IQGAP2: variants seen among roughly 807,000 people sequenced by gnomAD.
IQGAP2 encodes ras GTPase-activating-like protein IQGAP2.
A neutral mutation model predicts 201.3 loss-of-function variants in IQGAP2; 173 were observed. The observed-to-expected ratio is 0.86, with a 90% CI of 0.76 to 0.98. The LOEUF (loss-of-function observed/expected upper bound fraction) is 0.98. IQGAP2 is among the 50% of genes least tolerant of loss of function. The probability of loss-of-function intolerance (pLI) is 0.00; values close to 1 mark genes in which losing one functional copy is unlikely to be tolerated. For missense variants in IQGAP2, 1,687 were observed against 1,864.8 expected (o/e 0.90, Z 1.76); for synonymous variants, 675 against 673.9 (o/e 1.00, Z -0.03).
chr5:76,694,524 G>A (rs1021403776), intron 31 of IQGAP2, among the ~76,000 whole-genome samples: 5 of 152,142 alleles, frequency 3.3e-5, no homozygotes, highest in South Asian at 2.1e-4. Context: ...TTGCTGTGCC[G>A]CAGTTTCCTC....
chr5:76,605,476 G>A (rs1747740869), intron 11 of IQGAP2, among the ~76,000 whole-genome samples: 2 of 152,166 alleles, frequency 1.3e-5, no homozygotes, highest in Non-Finnish European at 2.9e-5. Flanking sequence ...TTACAGGTGT[G>A]AGCCACCACG....
chr5:76,649,052 A>G (rs1350742437), intron 17 of IQGAP2, among the ~76,000 whole-genome samples: 1 of 152,266 alleles, frequency 6.6e-6, no homozygotes, highest in African/African-American at 2.4e-5. Context: ...AACCTCAGAC[A>G]GGATAAAGTG....
chr5:76,674,028 C>T lies in IQGAP2; in HGVS notation c.3286C>T (p.Leu1096=). 2 of 1,598,138 alleles carry T rather than the reference C, an allele frequency of 1.3e-6. No homozygotes were observed. The highest frequency in any genetic ancestry group is 1.7e-6 in the Non-Finnish European group (2 of 1,165,652). ...ATTCCCCGATGCAACAGAAGATGAGCTATTAAAGGTAGATTTTCAAGGGTA... is the reference window on the plus strand; with the variant it reads ...ATTCCCCGATGCAACAGAAGATGAGTTATTAAAGGTAGATTTTCAAGGGTA... The part of the protein sequence containing the change: ...EKFPDATEDE[L]LKIVGNLLYY... The change falls in exon 26 of 36, where the codon CTA becomes TTA. Residue 1096 remains leucine (L), a synonymous_variant. Transcript: ENST00000274364.
chr5:76,624,252 A>G (rs1269714224), intron 13 of IQGAP2: 1 of 152,198 alleles, frequency 6.6e-6, no homozygotes, highest in Non-Finnish European at 1.5e-5. Context: ...TATTCTGTAG[A>G]GTATGACTTA....
intron 2 of IQGAP2, among the ~76,000 whole-genome samples, chr5:76,561,349 A>G (rs1723145635): frequency 6.6e-6 from 1 of 152,214 alleles, no homozygotes; most frequent in South Asian, 2.1e-4. Context: ...CAAGCAGTTC[A>G]GACATATTAC....
chr5:76,635,210 TA>T, intron 15 of IQGAP2, among the ~76,000 whole-genome samples: 1 of 152,352 alleles, frequency 6.6e-6, no homozygotes, highest in Non-Finnish European at 1.5e-5. Flanking sequence ...TTCTCTCTCC[TA>T]AACTTGCCTG....
intron 13 of IQGAP2, among the ~76,000 whole-genome samples, chr5:76,614,218 G>A (rs930405905): frequency 1.3e-5 from 2 of 152,130 alleles, no homozygotes; most frequent in East Asian, 1.9e-4. Flanking sequence ...CTCCACAGGC[G>A]TCCTTTGAAA....
chr5:76,586,445 C>T (rs185149956), intron 5 of IQGAP2, among the ~76,000 whole-genome samples: 101 of 152,052 alleles, frequency 6.6e-4, no homozygotes, highest in African/African-American at 2.0e-3. Flanking sequence ...CTTTAAAATT[C>T]GAACATTCAT....
At chr5:76,681,002 A>T (rs749393426) in intron 28 of IQGAP2, among the ~76,000 whole-genome samples, 14 of 148,566 alleles carry the variant, frequency 9.4e-5, no homozygotes, top group Non-Finnish European at 1.8e-4. Flanking sequence ...GCTACTCGGA[A>T]GGCTGAGGCA....
At chr5:76,418,623 A>G (rs950572648) in intron 1 of IQGAP2, among the ~76,000 whole-genome samples, 5 of 152,122 alleles carry the variant, frequency 3.3e-5, no homozygotes, top group African/African-American at 1.2e-4. Context: ...TCTAAATTGA[A>G]AAGACTTTAA....
intron 2 of IQGAP2, among the ~76,000 whole-genome samples, chr5:76,541,965 G>A (rs1225829943): frequency 6.6e-6 from 1 of 152,174 alleles, no homozygotes; most frequent in Non-Finnish European, 1.5e-5. Flanking sequence ...CGTGCAGAAT[G>A]TTTATTTTTT....
At chr5:76,646,465 T>C (rs1234517879) in intron 17 of IQGAP2, among the ~76,000 whole-genome samples, 2 of 152,250 alleles carry the variant, frequency 1.3e-5, no homozygotes, top group African/African-American at 4.8e-5. Flanking sequence ...CGAGGCCTAC[T>C]GAATCCTAAC....
In IQGAP2 at chr5:76,444,102, T is replaced by A. The variant is rs1018245487; in HGVS notation, c.47-17468T>A. Among the ~76,000 whole-genome samples, 4 of 152,182 alleles carry A rather than the reference T, an allele frequency of 2.6e-5. No individual in the cohort carries two copies. In the East Asian group the frequency reaches 7.7e-4, roughly 29 times the overall value. On this transcript the variant is annotated intron_variant, in intron 1 of 35. Coordinates refer to ENST00000274364, the MANE Select transcript of IQGAP2 (RefSeq NM_006633.5). ...AAGAATTATGGAGTTAGAAAATCAA[T>A]AGGCTGGGTGCGATGGCTTATACCT...
At chr5:76,644,792 AAC>A (rs1174920999) in intron 17 of IQGAP2, among the ~76,000 whole-genome samples, 1 of 152,194 alleles carries the variant, frequency 6.6e-6, no homozygotes, top group Non-Finnish European at 1.5e-5. Context: ...AAAAAAGAAA[AAC>A]AGAATTTTGG....
At chr5:76,702,087 G>A (rs546015610) in intron 34 of IQGAP2, among the ~76,000 whole-genome samples, 1 of 152,238 alleles carries the variant, frequency 6.6e-6, no homozygotes, top group East Asian at 1.9e-4. Context: ...GGGATTACAG[G>A]CGTGAGCGAC....
At chr5:76,689,718 C>G (rs538834592) in intron 30 of IQGAP2, among the ~76,000 whole-genome samples, 6 of 151,182 alleles carry the variant, frequency 4.0e-5, no homozygotes, top group Admixed American at 3.9e-4. Flanking sequence ...AGCAGGAGCA[C>G]TAAATGGCTA....
chr5:76,653,744 A>G (rs1752692767), intron 18 of IQGAP2, among the ~76,000 whole-genome samples: 1 of 152,224 alleles, frequency 6.6e-6, no homozygotes, highest in African/African-American at 2.4e-5. Flanking sequence ...AACCATTGGT[A>G]GCAATTGGTC....
Position 76,706,505 on chromosome 5 carries a change from G to A in IQGAP2, c.4615-695G>A, listed in dbSNP as rs533405553. On this transcript the variant is annotated intron_variant, in intron 35 of 35. Coordinates refer to ENST00000274364, the MANE Select transcript of IQGAP2 (RefSeq NM_006633.5). ...TGGGATTACAAGTGTGCACCACCAC[G>A]CCCAGCTAATTTTTGTATTTTTAGT... Among the ~76,000 whole-genome samples the A allele has an allele frequency of 4.0e-5, 6 of 151,852 alleles. No homozygotes were observed. In the East Asian group the frequency reaches 1.2e-3, roughly 29 times the overall value.
chr5:76,550,127 G>C (rs978750464), intron 2 of IQGAP2, among the ~76,000 whole-genome samples: 2 of 152,084 alleles, frequency 1.3e-5, no homozygotes, highest in Non-Finnish European at 2.9e-5. Flanking sequence ...CTGTGAACCC[G>C]TGAAACCAGA....
Sources: allele counts gnomAD v4.1 joint callset (sites outside exome capture counted in the v4.1 genomes callset), GRCh38; gene constraint gnomAD v4.1.1; transcripts MANE v1.5; gene names NCBI Gene and HGNC (gene_info 2026-07-23, HGNC 2026-07-21).